The following TMEM108 variants were observed in gnomAD, a reference collection of about 807,000 sequenced individuals.
TMEM108 encodes the protein transmembrane protein 108.
TMEM108 carries 12 observed loss-of-function variants against 35.1 expected under a neutral mutation model. That is an observed-to-expected ratio of 0.34 (90% CI 0.22 to 0.55). The LOEUF (loss-of-function observed/expected upper bound fraction) is 0.55. TMEM108 is among the 20% of genes least tolerant of loss of function. TMEM108 has a pLI of 0.89. For missense variants in TMEM108, 680 were observed against 753.3 expected (o/e 0.90, Z 1.14); for synonymous variants, 287 against 308.6 (o/e 0.93, Z 0.73).
At position 133,045,925 on chromosome 3, in the gene TMEM108, C is replaced by T. The variant is rs1943334570; in HGVS notation, c.-142C>T. 6.6e-6 allele frequency: 1 copy of T among 152,572 alleles called. No individual in the cohort carries two copies. Among genetic ancestry groups the T allele is most frequent in the South Asian group, 2.1e-4 (1 of 4,830 alleles). 9.5% of individuals were successfully genotyped at this position (152,572 alleles called of 1,614,324 possible). A position where few individuals can be genotyped will look rare whatever the true frequency, so the allele number is the denominator to read the frequency against. ...AGTTGGTGATAGATTGGTGGTCATC[C>T]AACATGCAGAAATGAATGAGCAGTG... is the stretch of plus-strand genomic sequence containing the variant. On this transcript the variant is annotated 5_prime_UTR_variant, in exon 2 of 6. Coordinates refer to ENST00000321871, the MANE Select transcript of TMEM108 (RefSeq NM_023943.4).
intron 1 of TMEM108, among the ~76,000 whole-genome samples, chr3:133,039,201 G>A (rs565779735): frequency 6.6e-6 from 1 of 152,334 alleles, no homozygotes; most frequent in Non-Finnish European, 1.5e-5. Context: ...GGTGAGGAGG[G>A]AAATGCCTGC....
chr3:133,105,953 C>T lies in TMEM108; in HGVS notation c.-47+59933C>T, dbSNP rs544031476. 3.3e-5 allele frequency among the ~76,000 whole-genome samples: 5 copies of T among 152,210 alleles called. 1 individual carries two copies. Among genetic ancestry groups the T allele is most frequent in the East Asian group, 1.9e-4 (1 of 5,178 alleles). On this transcript the variant is annotated intron_variant, in intron 2 of 5. Coordinates refer to ENST00000321871, the MANE Select transcript of TMEM108 (RefSeq NM_023943.4). ...AGGGTGGTGGCTAAAGGGTAAAGGTCCTTCTAAAGGCACGACAGTTCAGTT... is the reference window on the plus strand; with the variant it reads ...AGGGTGGTGGCTAAAGGGTAAAGGTTCTTCTAAAGGCACGACAGTTCAGTT...
intron 2 of TMEM108, among the ~76,000 whole-genome samples, chr3:133,130,838 A>G (rs1944481117): frequency 1.3e-5 from 2 of 152,242 alleles, no homozygotes. Flanking sequence ...CCAAGGGAGC[A>G]TATTGGCATT....
intron 3 of TMEM108, among the ~76,000 whole-genome samples, chr3:133,306,804 T>C (rs899393007): frequency 3.9e-5 from 6 of 152,198 alleles, no homozygotes; most frequent in Admixed American, 1.3e-4. Flanking sequence ...TCTTTGATAT[T>C]GTGAATAATG....
intron 3 of TMEM108, among the ~76,000 whole-genome samples, chr3:133,310,866 G>A (rs1048416998): frequency 5.3e-5 from 8 of 152,142 alleles, no homozygotes; most frequent in African/African-American, 1.4e-4. Context: ...GGTAGCAGTT[G>A]TTCCTTTCCA....
intron 2 of TMEM108, among the ~76,000 whole-genome samples, chr3:133,192,070 A>G (rs1208601539): frequency 1.3e-5 from 2 of 152,092 alleles, no homozygotes. Flanking sequence ...TGCTGAGATC[A>G]TGTATGTCCC....
At chr3:133,168,348 C>T (rs1052749312) in intron 2 of TMEM108, among the ~76,000 whole-genome samples, 2 of 152,094 alleles carry the variant, frequency 1.3e-5, no homozygotes, top group African/African-American at 4.8e-5. Context: ...GGGCTCACAT[C>T]TAGTGAGGGC....
At chr3:133,375,480 T>A (rs1031861049) in intron 3 of TMEM108, among the ~76,000 whole-genome samples, 13 of 152,208 alleles carry the variant, frequency 8.5e-5, no homozygotes, top group Non-Finnish European at 1.3e-4. Context: ...ATTATGCAAA[T>A]CCATGCAAAT....
rs1449143878 is a variant in TMEM108, at chr3:133,287,764, G to T, written c.40+58413G>T. 2.0e-5 allele frequency among the ~76,000 whole-genome samples: 3 copies of T among 152,194 alleles called. No homozygotes were observed. In the South Asian group the frequency reaches 6.2e-4, roughly 32 times the overall value. On this transcript the variant is annotated intron_variant, in intron 3 of 5. Transcript: ENST00000321871. Reference sequence around the variant, plus strand: ...ATAAAACCAAAAAAGTTTTTAGTTAGGGCCTCTTTTAGATTGGTTACCAAA... The same window carrying T: ...ATAAAACCAAAAAAGTTTTTAGTTATGGCCTCTTTTAGATTGGTTACCAAA...
At chr3:133,085,910 A>T (rs1943876241) in intron 2 of TMEM108, among the ~76,000 whole-genome samples, 1 of 152,172 alleles carries the variant, frequency 6.6e-6, no homozygotes, top group Admixed American at 6.5e-5. Context: ...ATATTTTTAG[A>T]GTGAGACTTA....
intron 2 of TMEM108, among the ~76,000 whole-genome samples, chr3:133,219,898 T>A (rs1476338801): frequency 6.6e-6 from 1 of 152,140 alleles, no homozygotes; most frequent in Non-Finnish European, 1.5e-5. Flanking sequence ...TGGATATCCA[T>A]CCATTGTTGA....
intron 3 of TMEM108, among the ~76,000 whole-genome samples, chr3:133,240,984 A>G (rs1379307402): frequency 6.6e-6 from 1 of 152,210 alleles, no homozygotes; most frequent in Non-Finnish European, 1.5e-5. Flanking sequence ...CCTCACCCAG[A>G]TTTGAATTCA....
chr3:133,336,774 G>A (rs1032202734), intron 3 of TMEM108, among the ~76,000 whole-genome samples: 1 of 151,872 alleles, frequency 6.6e-6, no homozygotes, highest in Non-Finnish European at 1.5e-5. Flanking sequence ...CATGGCTCTT[G>A]GATAGCATGG....
At chr3:133,192,652 T>C (rs1204164641) in intron 2 of TMEM108, 3 of 152,196 alleles carry the variant, frequency 2.0e-5, no homozygotes, top group Non-Finnish European at 4.4e-5. Context: ...AGGAGGAAAG[T>C]CCTGAAGGAA....
intron 2 of TMEM108, among the ~76,000 whole-genome samples, chr3:133,184,526 T>C (rs907310997): frequency 6.6e-6 from 1 of 152,226 alleles, no homozygotes; most frequent in Non-Finnish European, 1.5e-5. Flanking sequence ...AAAAATTTTT[T>C]TTACCATTGC....
At chr3:133,238,300 T>A (rs971132223) in intron 3 of TMEM108, among the ~76,000 whole-genome samples, 1 of 152,220 alleles carries the variant, frequency 6.6e-6, no homozygotes, top group Non-Finnish European at 1.5e-5. Flanking sequence ...TTGTTTCCAG[T>A]CTAATCGGGA....
intron 1 of TMEM108, among the ~76,000 whole-genome samples, chr3:133,043,188 G>T (rs922244862): frequency 6.6e-6 from 1 of 152,180 alleles, no homozygotes. Context: ...CTGGATAGGA[G>T]AATCTTTCAT....
chr3:133,285,990 C>T (rs1946979270), intron 3 of TMEM108, among the ~76,000 whole-genome samples: 1 of 152,190 alleles, frequency 6.6e-6, no homozygotes, highest in South Asian at 2.1e-4. Context: ...ATGGTGTCCC[C>T]TCCAATAATA....
chr3:133,135,476 C>G (rs1042272418), intron 2 of TMEM108, among the ~76,000 whole-genome samples: 4 of 152,072 alleles, frequency 2.6e-5, no homozygotes, highest in Admixed American at 2.0e-4. Flanking sequence ...GGAGCTTAGG[C>G]GCGGGTTGGT....
Sources: allele counts gnomAD v4.1 joint callset (sites outside exome capture counted in the v4.1 genomes callset), GRCh38; gene constraint gnomAD v4.1.1; transcripts MANE v1.5; gene names NCBI Gene and HGNC (gene_info 2026-07-23, HGNC 2026-07-21).